CCDC175: variants seen among roughly 807,000 people sequenced by gnomAD.
CCDC175 encodes coiled-coil domain containing 175.
Under a neutral mutation model 114.6 loss-of-function variants are expected in CCDC175, and 100 were observed. The observed-to-expected ratio is 0.87, with a 90% CI of 0.74 to 1.03. The LOEUF (loss-of-function observed/expected upper bound fraction) is 1.03, where lower values mean the gene tolerates loss of function less well. CCDC175 is among the 50% of genes least tolerant of loss of function. The pLI is 0.00. For synonymous variants in CCDC175, 306 were observed against 308.7 expected (o/e 0.99, Z 0.09); for missense variants, 880 against 917.8 (o/e 0.96, Z 0.53).
At chr14:59,547,319 T>C (rs1006560858) in intron 8 of CCDC175, among the ~76,000 whole-genome samples, 5 of 152,214 alleles carry the variant, frequency 3.3e-5, no homozygotes, top group African/African-American at 1.2e-4. Context: ...CAAACTGATT[T>C]ACAGATTTAA....
chr14:59,559,255 ACC>A (rs1421100472), intron 7 of CCDC175, among the ~76,000 whole-genome samples: 1 of 152,060 alleles, frequency 6.6e-6, no homozygotes, highest in African/African-American at 2.4e-5. Flanking sequence ...TGCCAAAGAA[ACC>A]CCATAGCGAA....
intron 17 of CCDC175, among the ~76,000 whole-genome samples, chr14:59,513,280 T>C (rs971383155): frequency 3.3e-5 from 5 of 152,090 alleles, no homozygotes; most frequent in Non-Finnish European, 7.4e-5. Flanking sequence ...CCAACTGAGG[T>C]ACTGGGTTCA....
chr14:59,515,801 T>C (rs1239339889), intron 17 of CCDC175, among the ~76,000 whole-genome samples: 1 of 152,152 alleles, frequency 6.6e-6, no homozygotes, highest in Non-Finnish European at 1.5e-5. Flanking sequence ...TGAACTCAGC[T>C]CTGCACCAAG....
intron 7 of CCDC175, among the ~76,000 whole-genome samples, chr14:59,554,181 A>C (rs6573267): frequency 0.98 from 149,078 of 152,302 alleles, 73,042 homozygotes; most frequent in East Asian, 1. Flanking sequence ...AGCACCACAC[A>C]GCACTTATTC....
chr14:59,508,873 T>C (rs1892597652), intron 19 of CCDC175, among the ~76,000 whole-genome samples: 1 of 152,268 alleles, frequency 6.6e-6, no homozygotes. Context: ...AGAACTGTGA[T>C]AAATAAATTC....
At chr14:59,557,508 C>T (rs1895980545) in intron 7 of CCDC175, among the ~76,000 whole-genome samples, 1 of 150,400 alleles carries the variant, frequency 6.6e-6, no homozygotes, top group African/African-American at 2.5e-5. Flanking sequence ...GGAGATATAC[C>T]TAATGTAAAT....
At chr14:59,536,461 G>A (rs1362286779) in intron 13 of CCDC175, among the ~76,000 whole-genome samples, 2 of 151,630 alleles carry the variant, frequency 1.3e-5, no homozygotes, top group Admixed American at 1.3e-4. Context: ...ATTCCCCCGT[G>A]CTAGATAGAA....
In CCDC175 at chr14:59,538,701, T is replaced by C; in HGVS notation, c.1491+4A>G. The C allele has an allele frequency of 6.5e-7, 1 of 1,532,848 alleles. No homozygotes were observed. The highest frequency in any genetic ancestry group is 8.7e-7 in the Non-Finnish European group (1 of 1,145,292). The allele number at this position is 1,532,848 out of a possible 1,614,324, so 95.0% of individuals were successfully genotyped here. On this transcript the variant is annotated splice_donor_region_variant and intron_variant, in intron 12 of 19. Coordinates refer to ENST00000537690, the MANE Select transcript of CCDC175 (RefSeq NM_001164399.2). ...CTAATTCTAAGTTCTTTCAGTTCTC[T>C]TACCTCGTTAAGTAATTCAATTCGT...
At chr14:59,553,047 A>T (rs1566625479) in intron 7 of CCDC175, among the ~76,000 whole-genome samples, 12 of 152,164 alleles carry the variant, frequency 7.9e-5, no homozygotes, top group East Asian at 1.9e-4. Context: ...CTCTGCAGGG[A>T]ATTATTCAGG....
At chr14:59,532,825 G>C (rs1894150671) in intron 13 of CCDC175, among the ~76,000 whole-genome samples, 1 of 152,186 alleles carries the variant, frequency 6.6e-6, no homozygotes, top group Admixed American at 6.5e-5. Flanking sequence ...GACTGGGAAA[G>C]AGAAACAAAC....
chr14:59,537,540 A>AT (rs1321355147), intron 13 of CCDC175, among the ~76,000 whole-genome samples: 1 of 151,946 alleles, frequency 6.6e-6, no homozygotes, highest in African/African-American at 2.4e-5. Flanking sequence ...GGGAAGGTGC[A>AT]TTTTTTTATT....
intron 11 of CCDC175, among the ~76,000 whole-genome samples, chr14:59,539,353 A>G (rs1894616365): frequency 6.6e-6 from 1 of 152,172 alleles, no homozygotes; most frequent in Non-Finnish European, 1.5e-5. Flanking sequence ...CGAGGCGGGC[A>G]GATCACCTGA....
intron 17 of CCDC175, among the ~76,000 whole-genome samples, chr14:59,513,958 T>G (rs1427553154): frequency 1.3e-5 from 2 of 152,140 alleles, no homozygotes; most frequent in Non-Finnish European, 2.9e-5. Context: ...GGTACTCCTC[T>G]GAGACAAAAC....
chr14:59,511,813 A>T lies in CCDC175; in HGVS notation c.2099-10T>A, dbSNP rs771215519. On this transcript the variant is annotated splice_polypyrimidine_tract_variant and intron_variant, in intron 17 of 19. Transcript: ENST00000537690. The stretch of plus-strand genomic sequence containing the variant: ...AAATCCTTATATTGTGCTAAAATAA[A>T]GATTTAAAAAATACAATGGTTACTG... 1.3e-6 allele frequency: 2 copies of T among 1,520,272 alleles called. No homozygotes were observed. Among genetic ancestry groups the T allele is most frequent in the Non-Finnish European group, 1.8e-6 (2 of 1,131,830 alleles). The allele number at this position is 1,520,272 out of a possible 1,614,324, so 94.2% of individuals were successfully genotyped here.
At chr14:59,552,730 C>T (rs1006880646) in intron 7 of CCDC175, among the ~76,000 whole-genome samples, 6 of 152,100 alleles carry the variant, frequency 3.9e-5, no homozygotes, top group South Asian at 2.1e-4. Context: ...AAAGATTAGA[C>T]GAATGGCTAA....
At chr14:59,508,399 TACAC>T (rs71451066) in intron 19 of CCDC175, among the ~76,000 whole-genome samples, 73 of 97,370 alleles carry the variant, frequency 7.5e-4, no homozygotes, top group East Asian at 5.8e-3. Context: ...GTCTCCAAAA[TACAC>T]ACACACACAC....
chr14:59,520,027 C>T (rs1241454783), intron 17 of CCDC175, among the ~76,000 whole-genome samples: 2 of 152,246 alleles, frequency 1.3e-5, no homozygotes, highest in Non-Finnish European at 2.9e-5. Context: ...TACCCTCAGC[C>T]TTCAAGTTGC....
At chr14:59,555,450 T>G (rs149718145) in intron 7 of CCDC175, among the ~76,000 whole-genome samples, 1 of 152,220 alleles carries the variant, frequency 6.6e-6, no homozygotes, top group African/African-American at 2.4e-5. Flanking sequence ...AATTTGGTAT[T>G]GATGGGACGT....
In CCDC175 at chr14:59,540,672, T is replaced by TA. The variant is rs1894727035; in HGVS notation, c.1355+2dup. The TA allele has an allele frequency of 6.8e-7, 1 of 1,476,168 alleles. No individual in the cohort carries two copies. 91.4% of individuals were successfully genotyped at this position (1,476,168 alleles called of 1,614,324 possible). A position where few individuals can be genotyped will look rare whatever the true frequency, so the allele number is the denominator to read the frequency against. ...ACTTTTTTTTTTTTTTTTTTTTTTT[T>TA]ACCATCTCTGACTTTCTCTTTCCAG... On this transcript the variant is annotated splice_region_variant and intron_variant, in intron 11 of 19. Transcript: ENST00000537690.
Sources: allele counts gnomAD v4.1 joint callset (sites outside exome capture counted in the v4.1 genomes callset), GRCh38; gene constraint gnomAD v4.1.1; transcripts MANE v1.5; gene names NCBI Gene and HGNC (gene_info 2026-07-23, HGNC 2026-07-21).